The following LRP1B variants were observed in gnomAD, a reference collection of about 807,000 sequenced individuals.
The protein encoded by LRP1B is LDL receptor related protein 1B.
Under a neutral mutation model 556.6 loss-of-function variants are expected in LRP1B, and 217 were observed. That is an observed-to-expected ratio of 0.39 (90% CI 0.35 to 0.44). The LOEUF (loss-of-function observed/expected upper bound fraction) is 0.44. LRP1B is among the 20% of genes least tolerant of loss of function. The pLI is 1.00. For missense variants in LRP1B, 5,053 were observed against 5,620.8 expected, an observed-to-expected ratio of 0.90 and a Z score of 3.23; for synonymous variants, 2,047 against 1,865.8, an observed-to-expected ratio of 1.10 and a Z score of -2.50.
At chr2:141,912,691 T>C (rs556613476) in intron 1 of LRP1B, among the ~76,000 whole-genome samples, 3 of 152,186 alleles carry the variant, frequency 2.0e-5, no homozygotes, top group Non-Finnish European at 4.4e-5. Flanking sequence ...AAGTGGAAGA[T>C]GAAATTCCCA....
At chr2:141,207,878 T>C (rs569242436) in intron 6 of LRP1B, among the ~76,000 whole-genome samples, 1 of 152,264 alleles carries the variant, frequency 6.6e-6, no homozygotes, top group East Asian at 1.9e-4. Context: ...GTTTTACCAT[T>C]TTGACCAGGC....
chr2:141,505,091 CTCTCTCTCTCTA>C (rs768196880), intron 2 of LRP1B, among the ~76,000 whole-genome samples: 6 of 110,000 alleles, frequency 5.5e-5, no homozygotes, highest in Non-Finnish European at 1.2e-4. Context: ...TAAATCCCTC[CTCTCTCTCTCTA>C]TCTCTCTCTC....
At chr2:142,030,162 A>G (rs1703637382) in intron 1 of LRP1B, among the ~76,000 whole-genome samples, 1 of 151,708 alleles carries the variant, frequency 6.6e-6, no homozygotes, top group Non-Finnish European at 1.5e-5. Flanking sequence ...GTAAGCTCCT[A>G]GAGGGCAGTG....
intron 43 of LRP1B, among the ~76,000 whole-genome samples, chr2:140,565,708 G>A (rs1417983410): frequency 6.6e-6 from 1 of 152,138 alleles, no homozygotes; most frequent in East Asian, 1.9e-4. Flanking sequence ...GAGAGCACCA[G>A]AGTACATCGA....
intron 2 of LRP1B, among the ~76,000 whole-genome samples, chr2:141,751,110 T>A (rs1007554995): frequency 6.6e-6 from 1 of 152,062 alleles, no homozygotes; most frequent in Non-Finnish European, 1.5e-5. Flanking sequence ...ATTTTTGTAT[T>A]TCTATTCAAA....
intron 87 of LRP1B, among the ~76,000 whole-genome samples, chr2:140,245,918 AC>A (rs1681140683): frequency 6.6e-6 from 1 of 151,354 alleles, no homozygotes; most frequent in Admixed American, 6.6e-5. Flanking sequence ...ATGTTCCATA[AC>A]CAAAAATCAC....
At chr2:141,606,815 A>C (rs1391992662) in intron 2 of LRP1B, among the ~76,000 whole-genome samples, 1 of 152,200 alleles carries the variant, frequency 6.6e-6, no homozygotes, top group East Asian at 1.9e-4. Context: ...CTGTTGTTTA[A>C]GCCACCCAGT....
At chr2:141,865,356 G>A (rs908851484) in intron 1 of LRP1B, among the ~76,000 whole-genome samples, 38 of 152,088 alleles carry the variant, frequency 2.5e-4, no homozygotes, top group African/African-American at 8.7e-4. Flanking sequence ...ACTTTGGGAG[G>A]CCGAGGCGGG....
intron 35 of LRP1B, among the ~76,000 whole-genome samples, chr2:140,730,472 A>G (rs1687740500): frequency 6.6e-6 from 1 of 152,230 alleles, no homozygotes; most frequent in Admixed American, 6.5e-5. Context: ...AGACATGAAC[A>G]AAAATATAAT....
Position 141,155,773 on chromosome 2 carries a change from A to G in LRP1B, c.1013+32648T>C, listed in dbSNP as rs1276627374. ...AGTCTTCTAATTTTACTAAGTTAAC[A>G]TTATGTGATACAATTTTAAAAATTA... is the stretch of plus-strand genomic sequence containing the variant. On this transcript the variant is annotated intron_variant, in intron 7 of 90. Coordinates refer to ENST00000389484, the MANE Select transcript of LRP1B (RefSeq NM_018557.3). Among the ~76,000 whole-genome samples the G allele has an allele frequency of 9.2e-5, 14 of 152,290 alleles. No homozygotes were observed. In the East Asian group the frequency reaches 2.5e-3, roughly 27 times the overall value.
At chr2:140,927,260 G>T (rs1298697134) in intron 20 of LRP1B, among the ~76,000 whole-genome samples, 1 of 152,148 alleles carries the variant, frequency 6.6e-6, no homozygotes, top group Non-Finnish European at 1.5e-5. Flanking sequence ...AGCCAAGATG[G>T]TGCTACTGCA....
chr2:141,112,031 G>A (rs770276030), intron 7 of LRP1B, among the ~76,000 whole-genome samples: 15 of 149,070 alleles, frequency 1.0e-4, no homozygotes, highest in Admixed American at 7.4e-4. Context: ...GGGCAACAGA[G>A]TGAGACCCTG....
At chr2:142,129,576 TTCTCTCTTTC>T (rs1269911845) in intron 1 of LRP1B, among the ~76,000 whole-genome samples, 60 of 111,160 alleles carry the variant, frequency 5.4e-4, no homozygotes, top group African/African-American at 1.0e-3. Flanking sequence ...CTGGGTTTCT[TTCTCTCTTTC>T]TCTCTCTCTC....
In LRP1B at chr2:141,517,275, C is replaced by CACACACACAT. The variant is rs1684359611; in HGVS notation, c.206-36743_206-36742insATGTGTGTGT. Among the ~76,000 whole-genome samples, 2 of 151,360 alleles carry CACACACACAT rather than the reference C, an allele frequency of 1.3e-5. 1 individual carries two copies. The highest frequency in any genetic ancestry group is 2.9e-5 in the Non-Finnish European group (2 of 67,814). ...GGACAAGAATACGCACACACACAGA[C>CACACACACAT]ACACACACACACACCTTAAAATGGT... On this transcript the variant is annotated intron_variant, in intron 2 of 90. Transcript: ENST00000389484.
rs117032610 is a variant in LRP1B, at chr2:140,981,689, C to T, written c.2887+471G>A. 2.1e-3 allele frequency among the ~76,000 whole-genome samples: 312 copies of T among 152,190 alleles called. 6 individuals are homozygous for T. The East Asian group carries it at 0.05, about 24-fold the overall frequency. ...TGTCAGTCAGAATCATACGACTCTA[C>T]GGAAATGAAAACAATGATTTACCAA... is the stretch of plus-strand genomic sequence containing the variant. On this transcript the variant is annotated intron_variant, in intron 18 of 90. Transcript: ENST00000389484.
At chr2:140,929,008 T>C (rs1299496179) in intron 20 of LRP1B, among the ~76,000 whole-genome samples, 1 of 152,118 alleles carries the variant, frequency 6.6e-6, no homozygotes, top group Non-Finnish European at 1.5e-5. Flanking sequence ...TAGGTATCTA[T>C]TAGAGATTTT....
At chr2:140,499,084 C>CA (rs1689071805) in intron 55 of LRP1B, among the ~76,000 whole-genome samples, 1 of 151,600 alleles carries the variant, frequency 6.6e-6, no homozygotes, top group Admixed American at 6.6e-5. Flanking sequence ...CTTGAGAAGA[C>CA]AAAATGAAAA....
chr2:140,901,906 C>A (rs947535183), intron 23 of LRP1B, among the ~76,000 whole-genome samples: 1 of 151,986 alleles, frequency 6.6e-6, no homozygotes, highest in East Asian at 1.9e-4. Flanking sequence ...TTAGTGTATT[C>A]AATAATAAGA....
intron 36 of LRP1B, 49 bp from the exon 37 acceptor site, chr2:140,716,151 T>C: frequency 7.6e-7 from 1 of 1,323,152 alleles, no homozygotes; most frequent in Non-Finnish European, 1.0e-6. Flanking sequence ...AGAAAAAAAA[T>C]GTATTTGTCA....
Sources: gnomAD v4.1 joint callset for allele counts (sites outside exome capture counted in the v4.1 genomes callset) on GRCh38, gnomAD v4.1.1 for gene constraint, MANE v1.5 for transcripts, NCBI Gene and HGNC (gene_info 2026-07-23, HGNC 2026-07-21) for gene names.